Variants in SLC25A26 observed in about 807,000 individuals in gnomAD.
The protein encoded by SLC25A26 is mitochondrial S-adenosylmethionine carrier protein.
Under a neutral mutation model 37.8 loss-of-function variants are expected in SLC25A26, and 36 were observed. The ratio of observed to expected loss-of-function variants is 0.95; its 90% CI spans 0.73 to 1.26. The LOEUF (loss-of-function observed/expected upper bound fraction) is 1.26, where lower values mean the gene tolerates loss of function less well. Ranked by LOEUF, SLC25A26 falls within the 50% of genes most tolerant of loss-of-function variation. The probability of loss-of-function intolerance (pLI) is 0.00; values close to 1 mark genes in which losing one functional copy is unlikely to be tolerated. For missense variants in SLC25A26, 390 were observed against 331.1 expected, an observed-to-expected ratio of 1.18 and a Z score of -1.38; for synonymous variants, 129 against 122.5, an observed-to-expected ratio of 1.05 and a Z score of -0.35.
chr3:66,297,255 G>A (rs1169731414), intron 5 of SLC25A26, among the ~76,000 whole-genome samples: 3 of 151,136 alleles, frequency 2.0e-5, no homozygotes, highest in Non-Finnish European at 2.9e-5. Flanking sequence ...TTGAATCCGG[G>A]AGGTGGAGGT....
At chr3:66,334,396 C>A (rs767510493) in intron 5 of SLC25A26, among the ~76,000 whole-genome samples, 3 of 152,106 alleles carry the variant, frequency 2.0e-5, no homozygotes, top group Non-Finnish European at 2.9e-5. Flanking sequence ...CTCAGTGCAG[C>A]CTCCATCTCC....
intron 5 of SLC25A26, among the ~76,000 whole-genome samples, chr3:66,317,732 A>G (rs1046878605): frequency 6.6e-5 from 10 of 152,184 alleles, no homozygotes; most frequent in Non-Finnish European, 1.3e-4. Flanking sequence ...TTGCTTATCC[A>G]TGATACCACA....
At chr3:66,179,547 G>C (rs1276962770) in intron 1 of SLC25A26, among the ~76,000 whole-genome samples, 1 of 152,212 alleles carries the variant, frequency 6.6e-6, no homozygotes, top group Non-Finnish European at 1.5e-5. Context: ...TTAGTTCACA[G>C]TCACATAGAT....
intron 1 of SLC25A26, among the ~76,000 whole-genome samples, chr3:66,159,013 A>G (rs1008466929): frequency 3.2e-4 from 49 of 152,310 alleles, no homozygotes; most frequent in African/African-American, 1.1e-3. Flanking sequence ...GCATTGCCAC[A>G]TGCCCACAGA....
intron 3 of SLC25A26, among the ~76,000 whole-genome samples, chr3:66,243,561 T>A (rs1159667988): frequency 6.6e-6 from 1 of 152,136 alleles, no homozygotes; most frequent in Non-Finnish European, 1.5e-5. Flanking sequence ...AAAACATAAT[T>A]ATATGGAAAA....
intron 9 of SLC25A26, among the ~76,000 whole-genome samples, chr3:66,376,381 T>G (rs1700649991): frequency 1.3e-5 from 2 of 151,654 alleles, no homozygotes; most frequent in Non-Finnish European, 2.9e-5. Context: ...AAAAGAAGAG[T>G]CCATCAATGC....
intron 3 of SLC25A26, among the ~76,000 whole-genome samples, chr3:66,256,785 C>T (rs2073320852): frequency 6.6e-6 from 1 of 152,070 alleles, no homozygotes; most frequent in South Asian, 2.1e-4. Context: ...GTCCCAGCTC[C>T]GCAAGAGGCT....
intron 1 of SLC25A26, among the ~76,000 whole-genome samples, chr3:66,236,316 AAG>A (rs1229935676): frequency 6.6e-6 from 1 of 151,566 alleles, no homozygotes; most frequent in Non-Finnish European, 1.5e-5. Flanking sequence ...TTGATTTAAA[AAG>A]AAAATATAAA....
chr3:66,141,600 C>T (rs577256016), intron 1 of SLC25A26, among the ~76,000 whole-genome samples: 43 of 152,056 alleles, frequency 2.8e-4, no homozygotes, highest in Middle Eastern at 3.4e-3. Context: ...GCAGCCTCCA[C>T]TTCCTGGGTT....
At chr3:66,232,294 T>C (rs2072071604) in intron 1 of SLC25A26, among the ~76,000 whole-genome samples, 1 of 152,236 alleles carries the variant, frequency 6.6e-6, no homozygotes, top group Non-Finnish European at 1.5e-5. Context: ...TTTTCATATT[T>C]TTGTTAGTCA....
At chr3:66,329,469 T>G (rs187757561) in intron 5 of SLC25A26, among the ~76,000 whole-genome samples, 2 of 152,270 alleles carry the variant, frequency 1.3e-5, no homozygotes, top group Admixed American at 1.3e-4. Flanking sequence ...TGAAAAACAT[T>G]GTGATCAGTT....
chr3:66,260,566 T>C (rs2073486578), intron 3 of SLC25A26, among the ~76,000 whole-genome samples: 1 of 152,218 alleles, frequency 6.6e-6, no homozygotes, highest in Admixed American at 6.5e-5. Context: ...TGTTACTTCT[T>C]AGCTTTAGAG....
At chr3:66,201,410 A>G (rs1298920700) in intron 1 of SLC25A26, among the ~76,000 whole-genome samples, 6 of 152,030 alleles carry the variant, frequency 3.9e-5, no homozygotes, top group African/African-American at 1.4e-4. Flanking sequence ...ACATCTCACT[A>G]CAGCCTCAGT....
intron 6 of SLC25A26, among the ~76,000 whole-genome samples, chr3:66,349,384 C>A (rs1287132721): frequency 6.6e-6 from 1 of 152,128 alleles, no homozygotes; most frequent in African/African-American, 2.4e-5. Context: ...CCTTTCTGTA[C>A]CCACAGCCCC....
chr3:66,371,396 C>G (rs1575622007), intron 9 of SLC25A26: 8 of 1,508,984 alleles, frequency 5.3e-6, no homozygotes, highest in Middle Eastern at 1.9e-4. Context: ...ATTTGATGAT[C>G]TGGAGGACAT....
intron 1 of SLC25A26, among the ~76,000 whole-genome samples, chr3:66,200,095 T>C (rs2071090127): frequency 6.6e-6 from 1 of 152,242 alleles, no homozygotes; most frequent in African/African-American, 2.4e-5. Flanking sequence ...TATGATCTAT[T>C]ACAATGAGGT....
chr3:66,284,630 G>A (rs1044109369), intron 5 of SLC25A26, among the ~76,000 whole-genome samples: 2 of 152,012 alleles, frequency 1.3e-5, no homozygotes, highest in Non-Finnish European at 2.9e-5. Flanking sequence ...ATACACAGTA[G>A]TGTAAAAAGA....
chr3:66,362,825 T>G, intron 6 of SLC25A26, 35 bp from the exon 7 acceptor site: 1 of 1,469,064 alleles, frequency 6.8e-7, no homozygotes, highest in Non-Finnish European at 9.2e-7. Context: ...TTCAAATATT[T>G]AATAACTTGT....
intron 5 of SLC25A26, among the ~76,000 whole-genome samples, chr3:66,316,355 ATTT>A (rs766841061): frequency 6.6e-6 from 1 of 151,732 alleles, no homozygotes; most frequent in Non-Finnish European, 1.5e-5. Flanking sequence ...AAAAGATTTT[ATTT>A]CTCCTTTGCT....
Sources: allele counts gnomAD v4.1 joint callset (sites outside exome capture counted in the v4.1 genomes callset), GRCh38; gene constraint gnomAD v4.1.1; transcripts MANE v1.5; gene names NCBI Gene and HGNC (gene_info 2026-07-23, HGNC 2026-07-21).